SLC30A3: variants seen among roughly 807,000 people sequenced by gnomAD.
The protein encoded by SLC30A3 is solute carrier family 30 member 3.
Under a neutral mutation model 35.6 loss-of-function variants are expected in SLC30A3, and 20 were observed. The observed-to-expected ratio is 0.56, with a 90% CI of 0.39 to 0.82. The LOEUF (loss-of-function observed/expected upper bound fraction) is 0.82. SLC30A3 is among the 40% of genes least tolerant of loss of function. The probability of loss-of-function intolerance (pLI) is 0.00; values close to 1 mark genes in which losing one functional copy is unlikely to be tolerated. For synonymous variants in SLC30A3, 217 were observed against 224.7 expected, an observed-to-expected ratio of 0.97 and a Z score of 0.31; for missense variants, 401 against 530.6, an observed-to-expected ratio of 0.76 and a Z score of 2.40.
At chr2:27,266,868 G>A (rs1430287089), upstream of SLC30A3, among the ~76,000 whole-genome samples, 2 of 152,200 alleles carry the variant, frequency 1.3e-5, no homozygotes, top group Non-Finnish European at 2.9e-5. Flanking sequence ...CTGCACTCCA[G>A]CCTGGATGAC....
At chr2:27,269,534 A>C (rs1010907936) in intron 1 of SLC30A3, among the ~76,000 whole-genome samples, 1 of 151,862 alleles carries the variant, frequency 6.6e-6, no homozygotes, top group Non-Finnish European at 1.5e-5. Flanking sequence ...CAAACCCTGC[A>C]TGTGGCATCC....
upstream of SLC30A3, among the ~76,000 whole-genome samples, chr2:27,266,887 T>C (rs1677521033): frequency 1.3e-5 from 2 of 152,102 alleles, no homozygotes; most frequent in Admixed American, 1.3e-4. Context: ...ACAGGTGAGA[T>C]TCCATCTCAT....
upstream of SLC30A3, among the ~76,000 whole-genome samples, chr2:27,264,664 C>T (rs1677412012): frequency 6.6e-6 from 1 of 152,158 alleles, no homozygotes; most frequent in African/African-American, 2.4e-5. The surrounding 1 kb of genome is among the most constrained non-coding windows in gnomAD (Gnocchi z 6.1). Flanking sequence ...CCTCCCCAGT[C>T]CAAAGCCCAT....
At chr2:27,272,450 C>T (rs537546165) in intron 1 of SLC30A3, among the ~76,000 whole-genome samples, 1 of 152,034 alleles carries the variant, frequency 6.6e-6, no homozygotes, top group Admixed American at 6.5e-5. Flanking sequence ...AACAAACAAA[C>T]AAGGTCCTTG....
chr2:27,266,771 C>A (rs917524316), upstream of SLC30A3, among the ~76,000 whole-genome samples: 3 of 152,222 alleles, frequency 2.0e-5, no homozygotes, highest in East Asian at 1.9e-4. Flanking sequence ...GTGGCATGCA[C>A]CTATAGTCCC....
Position 27,258,086 on chromosome 2 carries a change from CA to C in SLC30A3, c.425-29del. On this transcript the variant is annotated intron_variant, in intron 3 of 7. Coordinates refer to ENST00000233535, the MANE Select transcript of SLC30A3 (RefSeq NM_003459.5). The surrounding 1 kb of genome is among the most constrained non-coding windows in gnomAD (Gnocchi z 4.0). Reference sequence around the variant, plus strand: ...GCGGGTGGGGGGGGAGACAAGCTGTCAGAGACCTGCTTGGGACCCTGACGGG... The same window carrying C: ...GCGGGTGGGGGGGGAGACAAGCTGTCGAGACCTGCTTGGGACCCTGACGGG... 6.2e-7 allele frequency: 1 copy of C among 1,612,782 alleles called. No individual in the cohort carries two copies. Among genetic ancestry groups the C allele is most frequent in the Non-Finnish European group, 8.5e-7 (1 of 1,178,854 alleles).
upstream of SLC30A3, among the ~76,000 whole-genome samples, chr2:27,265,031 C>A (rs1677437378): frequency 6.6e-6 from 1 of 152,256 alleles, no homozygotes; most frequent in Admixed American, 6.5e-5. This position sits in a 1 kb window ranked among gnomAD's most constrained non-coding sequence, Gnocchi z 5.9. Flanking sequence ...CCGTAGTGAC[C>A]CTGGCGGGTG....
chr2:27,263,895 G>A (rs1266835196), upstream of SLC30A3: 1 of 500,506 alleles, frequency 2.0e-6, no homozygotes, highest in Non-Finnish European at 3.6e-6. Flanking sequence ...GAGGGGCAGC[G>A]GGGCAGCGTG....
In SLC30A3 at chr2:27,254,787, CACACACACACACAG is replaced by C. The variant is rs1676741844; in HGVS notation, c.*511_*524del. 1 of 280,366 alleles carries C rather than the reference CACACACACACACAG, an allele frequency of 3.6e-6. No individual in the cohort carries two copies. Among genetic ancestry groups the C allele is most frequent in the Admixed American group, 4.9e-5 (1 of 20,454 alleles). 17.4% of individuals were successfully genotyped at this position (280,366 alleles called of 1,614,324 possible). ...ACACACACACACACACACACACACA[CACACACACACACAG>C]ACAAAACCACAGGGCTAAGACACAC... On this transcript the variant is annotated 3_prime_UTR_variant, in exon 8 of 8. Transcript: ENST00000233535.
At position 27,256,460 on chromosome 2, in the gene SLC30A3, ACTCCTGG is replaced by A; in HGVS notation, c.937_943del (p.Pro313SerfsTer150). On this transcript the variant is annotated frameshift_variant, in exon 7 of 8. Transcript: ENST00000233535. LOFTEE classifies it high-confidence loss of function. ...CAGGTGCAGCTCATGGGTTGCCCGG[ACTCCTGG>A]CACCGACAACAGCGTATCCCGCACA... 1 of 1,613,550 alleles carries A rather than the reference ACTCCTGG, an allele frequency of 6.2e-7. No homozygotes were observed. The highest frequency in any genetic ancestry group is 8.5e-7 in the Non-Finnish European group (1 of 1,179,928).
chr2:27,273,595 G>A (rs1041723787), intron 1 of SLC30A3, among the ~76,000 whole-genome samples: 1 of 151,232 alleles, frequency 6.6e-6, no homozygotes, highest in African/African-American at 2.4e-5. Context: ...CTTTTTAAGT[G>A]AGTGACCTCT....
At chr2:27,268,867 G>A (rs1336313460) in intron 1 of SLC30A3, among the ~76,000 whole-genome samples, 4 of 152,178 alleles carry the variant, frequency 2.6e-5, no homozygotes, top group Non-Finnish European at 4.4e-5. Flanking sequence ...GTAGTAAGAT[G>A]GAAGCATGCT....
In SLC30A3 at chr2:27,271,142, CTG is replaced by C. The variant is rs1394045346; in HGVS notation, c.-159+4033_-159+4034del. Reference sequence around the variant, plus strand: ...TCTGAGGTCCCTTCCAGCTCAAAAACTGTACAATTTGAGAACCTGGTGGTTGA... The same window carrying C: ...TCTGAGGTCCCTTCCAGCTCAAAAACTACAATTTGAGAACCTGGTGGTTGA... On this transcript the variant is annotated intron_variant, in intron 1 of 5. Transcript: ENST00000424577. The surrounding 1 kb of genome is among the most constrained non-coding windows in gnomAD (Gnocchi z 4.3). Among the ~76,000 whole-genome samples the C allele has an allele frequency of 6.6e-6, 1 of 152,168 alleles. No individual in the cohort carries two copies. The highest frequency in any genetic ancestry group is 1.5e-5 in the Non-Finnish European group (1 of 68,038).
chr2:27,263,089 A>G (rs1677310643), upstream of SLC30A3: 1 of 1,346,492 alleles, frequency 7.4e-7, no homozygotes, highest in Non-Finnish European at 9.5e-7. Flanking sequence ...CTGCCGCCGG[A>G]GCCCCGCCCC....
At chr2:27,272,901 A>C (rs976563459) in intron 1 of SLC30A3, among the ~76,000 whole-genome samples, 2 of 151,518 alleles carry the variant, frequency 1.3e-5, no homozygotes, top group Non-Finnish European at 2.9e-5. Context: ...AAAATATGAA[A>C]ATTAGCTGGG....
At chr2:27,264,749 CCT>C (rs1387749963), upstream of SLC30A3, among the ~76,000 whole-genome samples, 1 of 152,246 alleles carries the variant, frequency 6.6e-6, no homozygotes, top group Non-Finnish European at 1.5e-5. The surrounding 1 kb of genome is among the most constrained non-coding windows in gnomAD (Gnocchi z 6.1). Flanking sequence ...ACTTGACGGA[CCT>C]CTGTTTCTCC....
chr2:27,258,385 G>T lies in SLC30A3; in HGVS notation c.278-78C>A. The T allele has an allele frequency of 7.2e-7, 1 of 1,387,482 alleles. No homozygotes were observed. Among genetic ancestry groups the T allele is most frequent in the Non-Finnish European group, 9.6e-7 (1 of 1,045,626 alleles). The allele number at this position is 1,387,482 out of a possible 1,614,324, so 85.9% of individuals were successfully genotyped here. A position where few individuals can be genotyped will look rare whatever the true frequency, so the allele number is the denominator to read the frequency against. On this transcript the variant is annotated intron_variant, in intron 2 of 7. Transcript: ENST00000233535. This position sits in a 1 kb window ranked among gnomAD's most constrained non-coding sequence, Gnocchi z 4.0. The stretch of plus-strand genomic sequence containing the variant: ...GTGTATAGGCATGGAAAATAAATTG[G>T]GGGATATACACCAAAAATGTGATTT...
chr2:27,257,369 G>A lies in SLC30A3; in HGVS notation c.579-17C>T. 6.3e-7 allele frequency: 1 copy of A among 1,594,712 alleles called. No individual in the cohort carries two copies. Among genetic ancestry groups the A allele is most frequent in the South Asian group, 1.1e-5 (1 of 88,514 alleles). On this transcript the variant is annotated splice_polypyrimidine_tract_variant and intron_variant, in intron 4 of 7. Coordinates refer to ENST00000233535, the MANE Select transcript of SLC30A3 (RefSeq NM_003459.5). The surrounding 1 kb of genome is among the most constrained non-coding windows in gnomAD (Gnocchi z 4.7). ...AAGGCCATTCTGAGGGGTAAGCAGA[G>A]CACCTCAGCCTAGGGCCCTGCTCCT...
intron 1 of SLC30A3, among the ~76,000 whole-genome samples, chr2:27,273,582 C>T (rs1677830584): frequency 6.6e-6 from 1 of 150,744 alleles, no homozygotes; most frequent in Non-Finnish European, 1.5e-5. Flanking sequence ...TCAGCTTCAG[C>T]TTCTTTTTAA....
Sources: allele counts gnomAD v4.1 joint callset (sites outside exome capture counted in the v4.1 genomes callset), GRCh38; gene constraint gnomAD v4.1.1; non-coding constraint Gnocchi (gnomAD v3.1); transcripts MANE v1.5; gene names NCBI Gene and HGNC (gene_info 2026-07-23, HGNC 2026-07-21).